ZMYM4: variants seen among roughly 807,000 people sequenced by gnomAD.
ZMYM4 encodes zinc finger MYM-type containing 4, also known as zinc finger MYM-type protein 4.
ZMYM4 carries 31 observed loss-of-function variants against 183.2 expected under a neutral mutation model. That is an observed-to-expected ratio of 0.17 (90% CI 0.13 to 0.23). The LOEUF (loss-of-function observed/expected upper bound fraction) is 0.23, where lower values mean the gene tolerates loss of function less well. ZMYM4 is among the 10% of genes least tolerant of loss of function. ZMYM4 has a pLI of 1.00. For missense variants in ZMYM4, 1,273 were observed against 1,840.3 expected (o/e 0.69, Z 5.64); for synonymous variants, 592 against 631.2 (o/e 0.94, Z 0.93).
In ZMYM4 at chr1:35,393,665, T is replaced by C; in HGVS notation, c.2837T>C (p.Leu946Ser). ...CCAAGGCTTTTGAAGAACAAAGCTT[T>C]ATTATGCAAACCCATCACACAGACT... is the stretch of plus-strand genomic sequence containing the variant. Reference protein sequence around the residue: ...QPPRLLKNKALLCKPITQTKA... With the variant: ...QPPRLLKNKASLCKPITQTKA... Residue 946 changes from leucine to serine, a missense_variant, in exon 18 of 30, where the codon TTA becomes TCA. Leu to Ser is a moderately radical substitution (Grantham distance 145). Coordinates refer to ENST00000314607, the MANE Select transcript of ZMYM4 (RefSeq NM_005095.3). The C allele has an allele frequency of 1.9e-6, 3 of 1,612,944 alleles. No individual in the cohort carries two copies. Among genetic ancestry groups the C allele is most frequent in the Non-Finnish European group, 1.7e-6 (2 of 1,179,238 alleles).
intron 2 of ZMYM4, among the ~76,000 whole-genome samples, chr1:35,352,872 A>AT (rs1008308349): frequency 3.3e-5 from 5 of 152,150 alleles, no homozygotes; most frequent in Admixed American, 2.0e-4. Flanking sequence ...AGTTTCATGA[A>AT]TTTTAAGTAC....
intron 24 of ZMYM4, 66 bp from the exon 25 acceptor site, chr1:35,405,307 T>C (rs1644982696): frequency 6.3e-7 from 1 of 1,578,456 alleles, no homozygotes; most frequent in Non-Finnish European, 8.6e-7. Flanking sequence ...TGGTTTGGGC[T>C]TTACTTAATT....
chr1:35,396,495 T>C lies in ZMYM4; in HGVS notation c.2912-57T>C, dbSNP rs112482162. 5,470 of 1,599,506 alleles carry C rather than the reference T, an allele frequency of 3.4e-3. 154 individuals are homozygous for C. The African/African-American group carries it at 0.06, about 18-fold the overall frequency. ...CATAAGCTTTTTTATTTTGAAATCT[T>C]ATGAAAGCATTTCTAACCCTCTTTG... is the stretch of plus-strand genomic sequence containing the variant. On this transcript the variant is annotated intron_variant, in intron 18 of 29. Transcript: ENST00000314607.
At chr1:35,327,460 A>G (rs902069948) in intron 2 of ZMYM4, among the ~76,000 whole-genome samples, 1 of 152,032 alleles carries the variant, frequency 6.6e-6, no homozygotes, top group African/African-American at 2.4e-5. Context: ...GTACTTTTTT[A>G]AAAAAAATTT....
chr1:35,389,867 CTTG>C lies in ZMYM4; in HGVS notation c.2437-78_2437-76del. On this transcript the variant is annotated intron_variant, in intron 14 of 29. Coordinates refer to ENST00000314607, the MANE Select transcript of ZMYM4 (RefSeq NM_005095.3). This position sits in a 1 kb window ranked among gnomAD's most constrained non-coding sequence, Gnocchi z 4.0. ...TCTAAATTCTAAGTTAATTTCGTCA[CTTG>C]TTATGTGTGTCTTATTTTTATTTTG... 1 of 1,460,202 alleles carries C rather than the reference CTTG, an allele frequency of 6.8e-7. No homozygotes were observed. The highest frequency in any genetic ancestry group is 9.2e-7 in the Non-Finnish European group (1 of 1,082,632). 90.5% of individuals were successfully genotyped at this position (1,460,202 alleles called of 1,614,324 possible).
Position 35,387,781 on chromosome 1 carries a change from T to C in ZMYM4, c.2263+177T>C, listed in dbSNP as rs186146789. On this transcript the variant is annotated intron_variant, in intron 13 of 29. Coordinates refer to ENST00000314607, the MANE Select transcript of ZMYM4 (RefSeq NM_005095.3). ...TTTTTGATCTAGTTTTCTTATATTA[T>C]GTAGCTGTTAAAATGAAGTGAAAGA... is the stretch of plus-strand genomic sequence containing the variant. 2.0e-5 allele frequency among the ~76,000 whole-genome samples: 3 copies of C among 152,362 alleles called. No individual in the cohort carries two copies. The East Asian group carries it at 5.8e-4, about 29-fold the overall frequency.
chr1:35,379,451 G>A (rs1465133034), intron 7 of ZMYM4, among the ~76,000 whole-genome samples: 5 of 152,174 alleles, frequency 3.3e-5, no homozygotes, highest in South Asian at 2.1e-4. Flanking sequence ...GGCTAGACTC[G>A]TCTCCAACTC....
At chr1:35,373,788 C>CA (rs542822641) in intron 7 of ZMYM4, among the ~76,000 whole-genome samples, 391 of 151,818 alleles carry the variant, frequency 2.6e-3, no homozygotes, top group Non-Finnish European at 4.7e-3. Context: ...CCACCCGCCT[C>CA]AATCTCCCAA....
intron 1 of ZMYM4, 135 bp from the exon 2 acceptor site, chr1:35,325,225 A>G (rs976812183): frequency 6.3e-5 from 44 of 698,546 alleles, no homozygotes; most frequent in African/African-American, 9.2e-5. Flanking sequence ...CTATTTGGCA[A>G]TGTTTTTGTT....
chr1:35,383,286 G>A (rs1279446960), intron 9 of ZMYM4, among the ~76,000 whole-genome samples: 1 of 151,934 alleles, frequency 6.6e-6, no homozygotes, highest in East Asian at 1.9e-4. Context: ...ATATATTTAT[G>A]GGGTAAGTAC....
chr1:35,327,083 A>T (rs1334219104), intron 2 of ZMYM4, among the ~76,000 whole-genome samples: 3 of 151,796 alleles, frequency 2.0e-5, no homozygotes, highest in African/African-American at 7.3e-5. Flanking sequence ...CTGTTCTCGA[A>T]CTCCTGACCT....
intron 1 of ZMYM4, among the ~76,000 whole-genome samples, chr1:35,273,086 A>C (rs1405439163): frequency 6.6e-6 from 1 of 152,080 alleles, no homozygotes; most frequent in African/African-American, 2.4e-5. Context: ...TCTTGTTTTT[A>C]TATTTGTGGG....
At chr1:35,284,161 A>G (rs1025682212) in intron 1 of ZMYM4, among the ~76,000 whole-genome samples, 1 of 151,456 alleles carries the variant, frequency 6.6e-6, no homozygotes, top group Non-Finnish European at 1.5e-5. Context: ...TATTTTTAGT[A>G]GAGACGGGGT....
chr1:35,359,300 A>C lies in ZMYM4; in HGVS notation c.461A>C (p.Asp154Ala). ...TCTGTCTTTAAATCAATACGGAAAGATTTTAGTCTAGTAAGAGAAAACAGC... is the reference window on the plus strand; with the variant it reads ...TCTGTCTTTAAATCAATACGGAAAGCTTTTAGTCTAGTAAGAGAAAACAGC... ...QVSVFKSIRK[D>A]FSLVRENSKE... is the part of the protein sequence containing the mutation. The change falls in exon 3 of 30, where the codon GAT becomes GCT. Residue 154 changes from aspartate (D) to alanine (A), a missense_variant. Transcript: ENST00000314607. 6.2e-7 allele frequency: 1 copy of C among 1,610,382 alleles called. No individual in the cohort carries two copies. The highest frequency in any genetic ancestry group is 8.5e-7 in the Non-Finnish European group (1 of 1,178,980).
At chr1:35,407,983 T>G (rs1369587431) in intron 25 of ZMYM4, 25 bp from the exon 26 acceptor site, 2 of 1,613,748 alleles carry the variant, frequency 1.2e-6, no homozygotes, top group African/African-American at 1.3e-5. Flanking sequence ...AGTTAATGTT[T>G]CAGATGTTTT....
At chr1:35,392,557 G>C in intron 16 of ZMYM4, 90 bp from the exon 17 acceptor site, 1 of 1,328,322 alleles carries the variant, frequency 7.5e-7, no homozygotes, top group Non-Finnish European at 1.1e-6. Context: ...TTAGTATGAG[G>C]GTTTGTGTTT....
chr1:35,395,198 C>CTTT (rs200080316), intron 18 of ZMYM4, among the ~76,000 whole-genome samples: 2 of 132,786 alleles, frequency 1.5e-5, no homozygotes, highest in African/African-American at 5.3e-5. Flanking sequence ...TGATTTAGTT[C>CTTT]TTTTTTTTTT....
intron 1 of ZMYM4, among the ~76,000 whole-genome samples, chr1:35,301,802 C>T (rs1463339123): frequency 6.6e-6 from 1 of 152,154 alleles, no homozygotes. Flanking sequence ...TCTGCTAACT[C>T]TGAACCCTGT....
chr1:35,366,743 G>A (rs1270200686), intron 5 of ZMYM4, among the ~76,000 whole-genome samples: 1 of 152,294 alleles, frequency 6.6e-6, no homozygotes, highest in East Asian at 1.9e-4. Context: ...CAGGTGCGGT[G>A]GCTCACGCCT....
Sources: allele counts gnomAD v4.1 joint callset (sites outside exome capture counted in the v4.1 genomes callset), GRCh38; gene constraint gnomAD v4.1.1; non-coding constraint Gnocchi (gnomAD v3.1); transcripts MANE v1.5; gene names NCBI Gene and HGNC (gene_info 2026-07-23, HGNC 2026-07-21).